Variants in CFAP57 observed in about 807,000 individuals in gnomAD.
CFAP57 encodes cilia and flagella associated protein 57, also known as cilia- and flagella-associated protein 57.
CFAP57 carries 116 observed loss-of-function variants against 146.8 expected under a neutral mutation model. That is an observed-to-expected ratio of 0.79 (90% CI 0.68 to 0.92). The LOEUF (loss-of-function observed/expected upper bound fraction) is 0.92. CFAP57 is among the 40% of genes least tolerant of loss of function. The pLI, the probability that CFAP57 is intolerant of heterozygous loss-of-function variation, is 0.00. For synonymous variants in CFAP57, 518 were observed against 552.8 expected, an observed-to-expected ratio of 0.94 and a Z score of 0.88; for missense variants, 1,377 against 1,527.2, an observed-to-expected ratio of 0.90 and a Z score of 1.64.
intron 21 of CFAP57, among the ~76,000 whole-genome samples, chr1:43,239,261 A>T (rs201789937): frequency 6.6e-6 from 1 of 152,130 alleles, no homozygotes; most frequent in Non-Finnish European, 1.5e-5. Flanking sequence ...AATGAACAGA[A>T]CAAGAGAGTC....
At chr1:43,172,665 T>A in intron 1 of CFAP57, 70 bp from the exon 2 acceptor site, 12 of 1,202,190 alleles carry the variant, frequency 1.0e-5, no homozygotes, top group Non-Finnish European at 1.3e-5. Flanking sequence ...GGAGGGCGAG[T>A]CCGGGCCGGG....
Position 43,172,431 on chromosome 1 carries a change from G to C in CFAP57, c.-42G>C, listed in dbSNP as rs375295586. 3.2e-6 allele frequency: 5 copies of C among 1,550,822 alleles called. No homozygotes were observed. The African/African-American group carries it at 5.5e-5, about 17-fold the overall frequency. ...GCGCCTCTGGATACATGCGTGGTCT[G>C]CTGACCCAGAGAGAAACGAAAGGTG... On this transcript the variant is annotated 5_prime_UTR_variant, in exon 1 of 23. Coordinates refer to ENST00000372492, the MANE Select transcript of CFAP57 (RefSeq NM_001378189.1).
chr1:43,213,632 C>G (rs1570140781), intron 11 of CFAP57, among the ~76,000 whole-genome samples: 1 of 152,004 alleles, frequency 6.6e-6, no homozygotes, highest in East Asian at 1.9e-4. Context: ...AGTCTACATA[C>G]TGTTTTCCAT....
chr1:43,190,707 A>ATT (rs140467050), intron 6 of CFAP57, among the ~76,000 whole-genome samples: 5 of 139,894 alleles, frequency 3.6e-5, no homozygotes, highest in Admixed American at 7.2e-5. Context: ...ATTTTGTCAC[A>ATT]TTTTTTTTTT....
At chr1:43,212,935 C>CAAAAAAAAAAA (rs374038535) in intron 11 of CFAP57, among the ~76,000 whole-genome samples, 1 of 129,104 alleles carries the variant, frequency 7.7e-6, no homozygotes, top group Non-Finnish European at 1.6e-5. Flanking sequence ...GACTCTATCT[C>CAAAAAAAAAAA]AAAAAAAAAA....
chr1:43,222,685 A>G (rs1263565760), intron 15 of CFAP57, 139 bp from the exon 16 acceptor site: 9 of 979,028 alleles, frequency 9.2e-6, no homozygotes, highest in Non-Finnish European at 1.2e-5. Context: ...CCCTGTGGCC[A>G]TGGTCTCCGT....
chr1:43,207,530 G>T (rs530343513), intron 10 of CFAP57, among the ~76,000 whole-genome samples: 1 of 152,306 alleles, frequency 6.6e-6, no homozygotes, highest in South Asian at 2.1e-4. Context: ...AGCTAGGTTT[G>T]TGTAAATACA....
intron 17 of CFAP57, 144 bp downstream of exon 17, chr1:43,224,348 G>A: frequency 1.0e-6 from 1 of 984,722 alleles, no homozygotes. Flanking sequence ...TGAAGTGCCT[G>A]TTGTGTGCTT....
chr1:43,185,062 A>G (rs1642946337), intron 4 of CFAP57, 87 bp from the exon 5 acceptor site: 14 of 1,418,900 alleles, frequency 9.9e-6, no homozygotes, highest in Non-Finnish European at 1.4e-5. Flanking sequence ...TGTCACACCC[A>G]GTGACAGTCT....
intron 21 of CFAP57, among the ~76,000 whole-genome samples, chr1:43,236,515 A>G (rs183121112): frequency 2.3e-4 from 29 of 127,778 alleles, no homozygotes; most frequent in African/African-American, 8.2e-4. Context: ...CCAACCTGAG[A>G]GTGGGGGGTT....
chr1:43,184,666 C>G (rs1645565844), intron 4 of CFAP57, among the ~76,000 whole-genome samples: 1 of 151,542 alleles, frequency 6.6e-6, no homozygotes, highest in South Asian at 2.1e-4. Context: ...CAATGACATC[C>G]TGTAGATTCT....
chr1:43,204,362 G>T (rs566856779), intron 9 of CFAP57, among the ~76,000 whole-genome samples: 2 of 152,154 alleles, frequency 1.3e-5, no homozygotes, highest in African/African-American at 4.8e-5. Flanking sequence ...TTGCCTGAAT[G>T]CTTTCTTTCT....
chr1:43,180,155 G>A (rs527893794), intron 2 of CFAP57, among the ~76,000 whole-genome samples: 36 of 150,666 alleles, frequency 2.4e-4, no homozygotes, highest in African/African-American at 8.1e-4. Flanking sequence ...GTGGTGAGCC[G>A]AGATTGAGCC....
chr1:43,186,378 G>A (rs771896314), intron 5 of CFAP57, among the ~76,000 whole-genome samples: 1 of 151,978 alleles, frequency 6.6e-6, no homozygotes, highest in Non-Finnish European at 1.5e-5. Context: ...TTGGAAGGCC[G>A]AGGCGGGCGG....
Position 43,248,061 on chromosome 1 carries a change from C to T in CFAP57, c.3538+4702C>T, listed in dbSNP as rs375964890. Among the ~76,000 whole-genome samples, 10 of 148,346 alleles carry T rather than the reference C, an allele frequency of 6.7e-5. No homozygotes were observed. The South Asian group carries it at 2.1e-3, about 32-fold the overall frequency. On this transcript the variant is annotated intron_variant, in intron 22 of 22. Coordinates refer to ENST00000372492, the MANE Select transcript of CFAP57 (RefSeq NM_001378189.1). ...TACTGAAGCAGGAGAATGGCGTGAA[C>T]CCAGGAGGCAGAGCTTGCAGTGAGC...
intron 6 of CFAP57, among the ~76,000 whole-genome samples, chr1:43,191,853 CTT>C (rs1479912224): frequency 2.7e-5 from 4 of 147,998 alleles, no homozygotes; most frequent in Admixed American, 2.0e-4. Flanking sequence ...TATTTAAGAT[CTT>C]TCTTTTTTGA....
chr1:43,241,089 C>T (rs1476545201), intron 21 of CFAP57, among the ~76,000 whole-genome samples: 1 of 152,214 alleles, frequency 6.6e-6, no homozygotes, highest in African/African-American at 2.4e-5. Flanking sequence ...CTGCCTCGGC[C>T]TCCCAAAGTG....
intron 3 of CFAP57, 37 bp from the exon 4 acceptor site, chr1:43,183,554 C>T (rs1271722194): frequency 1.9e-6 from 3 of 1,586,876 alleles, no homozygotes; most frequent in South Asian, 1.1e-5. Flanking sequence ...AGAATAGTTT[C>T]ATAAATTTTT....
At chr1:43,181,948 C>T (rs1348726002) in intron 3 of CFAP57, 98 bp downstream of exon 3, 5 of 1,371,102 alleles carry the variant, frequency 3.6e-6, no homozygotes, top group Non-Finnish European at 5.1e-6. Context: ...TTCCTCCATG[C>T]ATTTTAAAAT....
Sources: allele counts gnomAD v4.1 joint callset (sites outside exome capture counted in the v4.1 genomes callset), GRCh38; gene constraint gnomAD v4.1.1; transcripts MANE v1.5; gene names NCBI Gene and HGNC (gene_info 2026-07-23, HGNC 2026-07-21).